CSMD3: variants seen among roughly 807,000 people sequenced by gnomAD.
The protein encoded by CSMD3 is CUB and sushi domain-containing protein 3.
Under a neutral mutation model 435.2 loss-of-function variants are expected in CSMD3, and 177 were observed. The ratio of observed to expected loss-of-function variants is 0.41; its 90% CI spans 0.36 to 0.46. The LOEUF is 0.46. Among genes scored for constraint, CSMD3 ranks in the 20% least tolerant of loss-of-function variants. CSMD3 has a pLI of 0.34. For missense variants in CSMD3, 4,265 were observed against 4,504.6 expected (o/e 0.95, Z 1.52); for synonymous variants, 1,656 against 1,520.5 (o/e 1.09, Z -2.07).
intron 20 of CSMD3, among the ~76,000 whole-genome samples, chr8:112,641,784 A>T (rs769531203): frequency 1.3e-5 from 2 of 152,140 alleles, no homozygotes; most frequent in Non-Finnish European, 2.9e-5. Flanking sequence ...GGATGCAGTG[A>T]GCCAGGATCA....
At chr8:112,874,802 T>G (rs2130099503) in intron 10 of CSMD3, among the ~76,000 whole-genome samples, 1 of 152,328 alleles carries the variant, frequency 6.6e-6, no homozygotes, top group Admixed American at 6.5e-5. Flanking sequence ...ATGTTGAGCC[T>G]ATGTATATCT....
chr8:112,721,605 C>T (rs1269782480), intron 13 of CSMD3, among the ~76,000 whole-genome samples: 2 of 152,114 alleles, frequency 1.3e-5, no homozygotes, highest in East Asian at 3.9e-4. Context: ...ATAACAATTT[C>T]ACAAGCTGTA....
At chr8:112,225,349 A>AT (rs1458824794) in intron 70 of CSMD3, among the ~76,000 whole-genome samples, 4 of 152,110 alleles carry the variant, frequency 2.6e-5, no homozygotes, top group Non-Finnish European at 4.4e-5. Context: ...TGGGTATATC[A>AT]TTTTTTTAAA....
At chr8:112,488,720 A>G (rs924341231) in intron 31 of CSMD3, among the ~76,000 whole-genome samples, 3 of 152,214 alleles carry the variant, frequency 2.0e-5, no homozygotes. Flanking sequence ...AAAAGCAATC[A>G]CTAGAATAAC....
chr8:112,884,453 T>G (rs1007266816), intron 10 of CSMD3, among the ~76,000 whole-genome samples: 2 of 151,712 alleles, frequency 1.3e-5, no homozygotes, highest in African/African-American at 4.8e-5. Flanking sequence ...TACTGACATT[T>G]TGGATTAGAT....
chr8:112,708,020 G>A (rs2076535497), intron 13 of CSMD3, among the ~76,000 whole-genome samples: 1 of 151,990 alleles, frequency 6.6e-6, no homozygotes, highest in African/African-American at 2.4e-5. Flanking sequence ...TTAGTTACAT[G>A]ATATACAATT....
chr8:112,602,998 C>T (rs1032132360), intron 22 of CSMD3, among the ~76,000 whole-genome samples: 1 of 152,170 alleles, frequency 6.6e-6, no homozygotes, highest in Non-Finnish European at 1.5e-5. Flanking sequence ...ATGCCTCAGC[C>T]TCCCAAGTAG....
At chr8:112,237,105 T>C (rs1813658936) in intron 67 of CSMD3, 85 bp downstream of exon 67, 3 of 1,409,076 alleles carry the variant, frequency 2.1e-6, no homozygotes, top group South Asian at 2.3e-5. Context: ...CATTTCACCA[T>C]ATAAAAAGCA....
At chr8:113,196,507 A>C (rs554735596) in intron 3 of CSMD3, among the ~76,000 whole-genome samples, 1 of 151,398 alleles carries the variant, frequency 6.6e-6, no homozygotes, top group Admixed American at 6.6e-5. Context: ...TGATTACCTT[A>C]GATTTTAGCC....
Position 112,594,043 on chromosome 8 carries a change from G to A in CSMD3, c.3716-6808C>T, listed in dbSNP as rs545473503. 8.5e-5 allele frequency among the ~76,000 whole-genome samples: 13 copies of A among 152,262 alleles called. No homozygotes were observed. In the South Asian group the frequency reaches 2.7e-3, roughly 32 times the overall value. ...AGATGGCCGAATAGGAACAGCTCCG[G>A]TCTACAGCTCCCAGTGTGAGCGACG... On this transcript the variant is annotated intron_variant, in intron 22 of 70. Transcript: ENST00000297405.
At chr8:113,210,620 G>A (rs552217493) in intron 3 of CSMD3, among the ~76,000 whole-genome samples, 1 of 152,162 alleles carries the variant, frequency 6.6e-6, no homozygotes, top group Admixed American at 6.5e-5. Flanking sequence ...GCTTAGACCT[G>A]TAATCACAGC....
chr8:113,350,837 C>T (rs187450778), intron 1 of CSMD3, among the ~76,000 whole-genome samples: 1 of 152,130 alleles, frequency 6.6e-6, no homozygotes, highest in Non-Finnish European at 1.5e-5. Context: ...GTTTCTCACC[C>T]TCAGTGCATG....
chr8:113,255,910 A>G (rs1465425092), intron 3 of CSMD3, among the ~76,000 whole-genome samples: 1 of 152,144 alleles, frequency 6.6e-6, no homozygotes, highest in Admixed American at 6.5e-5. Context: ...TACAGTGTCA[A>G]TAACAAATTA....
chr8:113,133,181 A>G (rs1648398875), intron 4 of CSMD3, among the ~76,000 whole-genome samples: 2 of 152,168 alleles, frequency 1.3e-5, no homozygotes, highest in Admixed American at 6.5e-5. Flanking sequence ...AGAAATTGAT[A>G]ACAAGAGTTT....
chr8:113,146,333 G>T (rs1263184922), intron 4 of CSMD3, among the ~76,000 whole-genome samples: 5 of 151,464 alleles, frequency 3.3e-5, no homozygotes. Context: ...CATGTAATGT[G>T]AATTGTGCCC....
intron 58 of CSMD3, among the ~76,000 whole-genome samples, chr8:112,286,017 C>A (rs150450978): frequency 8.0e-4 from 122 of 152,176 alleles, no homozygotes; most frequent in Non-Finnish European, 1.3e-3. Context: ...CCACAACTGG[C>A]ACTCTTGTAA....
intron 7 of CSMD3, among the ~76,000 whole-genome samples, chr8:112,970,939 T>A (rs2084632590): frequency 6.6e-6 from 1 of 152,168 alleles, no homozygotes; most frequent in Non-Finnish European, 1.5e-5. Context: ...GCCAGGATGG[T>A]CTCAATCTAC....
chr8:113,417,489 TG>T (rs2129893400), intron 1 of CSMD3, among the ~76,000 whole-genome samples: 1 of 152,104 alleles, frequency 6.6e-6, no homozygotes, highest in African/African-American at 2.4e-5. Flanking sequence ...ATTAATATTT[TG>T]GAAGCAAACC....
intron 9 of CSMD3, among the ~76,000 whole-genome samples, chr8:112,923,779 T>C (rs1298353508): frequency 6.6e-6 from 1 of 152,192 alleles, no homozygotes; most frequent in Non-Finnish European, 1.5e-5. Flanking sequence ...TAAGTTTATG[T>C]ATAGATTTTA....
Sources: gnomAD v4.1 joint callset for allele counts (sites outside exome capture counted in the v4.1 genomes callset) on GRCh38, gnomAD v4.1.1 for gene constraint, MANE v1.5 for transcripts, NCBI Gene and HGNC (gene_info 2026-07-23, HGNC 2026-07-21) for gene names.